The following INSL6 variants were observed in gnomAD, a reference collection of about 807,000 sequenced individuals.
INSL6 encodes the protein insulin-like peptide INSL6.
INSL6 carries 16 observed loss-of-function variants against 9.4 expected under a neutral mutation model. The ratio of observed to expected loss-of-function variants is 1.70; its 90% CI spans 1.15 to 2.59. INSL6 has a LOEUF of 2.59. Among genes scored for constraint, INSL6 ranks in the 30% most tolerant of loss-of-function variants. The pLI, the probability that INSL6 is intolerant of heterozygous loss-of-function variation, is 0.00. For synonymous variants in INSL6, 154 were observed against 96.9 expected (o/e 1.59, Z -3.46); for missense variants, 391 against 257.3 (o/e 1.52, Z -3.56).
chr9:5,002,387 C>T, the INSL6 span, among the ~76,000 whole-genome samples: 3 of 151,890 alleles, frequency 2.0e-5, no homozygotes, highest in Admixed American at 6.6e-5. Context: ...ATTTCTTCTT[C>T]GAACCTGGGA....
chr9:5,076,510 T>A, the INSL6 span, among the ~76,000 whole-genome samples: 174 of 152,268 alleles, frequency 1.1e-3, 1 homozygote, highest in African/African-American at 3.8e-3. Flanking sequence ...AAAGTATTTT[T>A]AAAAAGATAT....
intron 2 of INSL6, among the ~76,000 whole-genome samples, chr9:5,140,548 T>G (rs1824476861): frequency 1.3e-5 from 2 of 152,124 alleles, no homozygotes; most frequent in African/African-American, 4.8e-5. Flanking sequence ...TGCACATCAC[T>G]ATTAGGTCAT....
At chr9:5,078,024 C>G in the INSL6 span, among the ~76,000 whole-genome samples, 1 of 152,120 alleles carries the variant, frequency 6.6e-6, no homozygotes, top group African/African-American at 2.4e-5. Context: ...AATGTCAGCT[C>G]CCATCCAGAA....
chr9:5,145,158 G>C (rs1256710963), intron 2 of INSL6, among the ~76,000 whole-genome samples: 1 of 152,126 alleles, frequency 6.6e-6, no homozygotes, highest in African/African-American at 2.4e-5. Context: ...GGCAGGTCTA[G>C]TGGTAACAAA....
chr9:5,018,139 A>G, the INSL6 span, among the ~76,000 whole-genome samples: 1 of 151,966 alleles, frequency 6.6e-6, no homozygotes, highest in Non-Finnish European at 1.5e-5. Flanking sequence ...TCATTTTATT[A>G]ATTGATTTCT....
At chr9:5,081,085 C>T in the INSL6 span, among the ~76,000 whole-genome samples, 88 of 151,596 alleles carry the variant, frequency 5.8e-4, no homozygotes, top group African/African-American at 1.8e-3. Flanking sequence ...TTAGTAGAGA[C>T]GGGGTTTCAC....
the INSL6 span, chr9:5,086,151 C>T: frequency 5.5e-6 from 2 of 363,420 alleles, no homozygotes; most frequent in Admixed American, 5.5e-5. Flanking sequence ...CCGCAAGGCT[C>T]GGGGAGCGGT....
intron 1 of INSL6, among the ~76,000 whole-genome samples, chr9:5,168,906 C>T (rs1379656493): frequency 2.0e-5 from 3 of 149,510 alleles, no homozygotes; most frequent in African/African-American, 5.0e-5. Context: ...CCAGAAGAGA[C>T]GGGCGGCCAA....
the INSL6 span, among the ~76,000 whole-genome samples, chr9:5,047,438 C>G: frequency 2.0e-5 from 3 of 152,170 alleles, no homozygotes; most frequent in Non-Finnish European, 2.9e-5. Context: ...TTTATATCAT[C>G]AAATATGGCT....
At chr9:5,021,507 T>G in the INSL6 span, among the ~76,000 whole-genome samples, 1 of 152,270 alleles carries the variant, frequency 6.6e-6, no homozygotes, top group African/African-American at 2.4e-5. Flanking sequence ...GTGCTTTGTA[T>G]GTAGTAATAC....
At chr9:5,145,664 C>G (rs1358090350) in intron 2 of INSL6, among the ~76,000 whole-genome samples, 1 of 152,156 alleles carries the variant, frequency 6.6e-6, no homozygotes, top group Non-Finnish European at 1.5e-5. Context: ...CCTTTTCACT[C>G]TTTTTTCTCT....
At chr9:5,182,942 AT>A (rs1307577715) in intron 1 of INSL6, among the ~76,000 whole-genome samples, 1 of 152,184 alleles carries the variant, frequency 6.6e-6, no homozygotes, top group East Asian at 1.9e-4. Context: ...GAAAAAAAGC[AT>A]TTTTTAATAG....
At chr9:5,098,042 T>A in the INSL6 span, 1 of 152,172 alleles carries the variant, frequency 6.6e-6, no homozygotes, top group Non-Finnish European at 1.5e-5. Flanking sequence ...ATTTATCTCA[T>A]TAGCAGCAGT....
intron 1 of INSL6, among the ~76,000 whole-genome samples, chr9:5,170,771 C>T (rs554009070): frequency 2.2e-4 from 33 of 152,036 alleles, no homozygotes; most frequent in African/African-American, 7.7e-4. Flanking sequence ...ACACATACAC[C>T]CCCACAAGAC....
At chr9:5,024,812 T>A in the INSL6 span, among the ~76,000 whole-genome samples, 7 of 152,292 alleles carry the variant, frequency 4.6e-5, no homozygotes, top group East Asian at 1.4e-3. Flanking sequence ...CATCATTTCT[T>A]CAGTCAGTCC....
intron 2 of INSL6, among the ~76,000 whole-genome samples, chr9:5,149,774 C>A (rs1384077487): frequency 1.3e-5 from 2 of 151,880 alleles, no homozygotes; most frequent in African/African-American, 4.8e-5. Flanking sequence ...CCCATGTGGC[C>A]AAAGCAATCT....
the INSL6 span, among the ~76,000 whole-genome samples, chr9:5,116,726 G>A: frequency 1.3e-5 from 2 of 152,328 alleles, no homozygotes; most frequent in South Asian, 2.1e-4. Context: ...GAAAAGGACT[G>A]TCCCTTAGTA....
chr9:5,112,807 C>T, the INSL6 span: 2 of 548,770 alleles, frequency 3.6e-6, no homozygotes, highest in South Asian at 5.2e-5. Context: ...CAGCTGCCCA[C>T]CTGGGCTTGA....
At chr9:5,018,609 G>C in the INSL6 span, among the ~76,000 whole-genome samples, 4 of 152,204 alleles carry the variant, frequency 2.6e-5, no homozygotes, top group African/African-American at 9.6e-5. Flanking sequence ...AAAGTGCTAG[G>C]ATTACAGGCT....
Sources: gnomAD v4.1 joint callset for allele counts (sites outside exome capture counted in the v4.1 genomes callset) on GRCh38, gnomAD v4.1.1 for gene constraint, MANE v1.5 for transcripts, NCBI Gene and HGNC (gene_info 2026-07-23, HGNC 2026-07-21) for gene names.